The following COL21A1 variants were observed in gnomAD, a reference collection of about 807,000 sequenced individuals.
COL21A1 encodes collagen alpha-1(XXI) chain.
Under a neutral mutation model 137.9 loss-of-function variants are expected in COL21A1, and 149 were observed. The observed-to-expected ratio is 1.08, with a 90% CI of 0.95 to 1.24. COL21A1 has a LOEUF of 1.24. COL21A1 is among the 50% of genes most tolerant of loss of function. COL21A1 has a pLI of 0.00. For synonymous variants in COL21A1, 456 were observed against 391.5 expected (o/e 1.16, Z -1.95); for missense variants, 1,167 against 1,158.4 (o/e 1.01, Z -0.11).
chr6:56,314,777 T>A (rs1454388164), intron 1 of COL21A1, among the ~76,000 whole-genome samples: 1 of 152,218 alleles, frequency 6.6e-6, no homozygotes, highest in African/African-American at 2.4e-5. Context: ...GATGTTATGG[T>A]TCTTAGTGCA....
intron 1 of COL21A1, among the ~76,000 whole-genome samples, chr6:56,299,058 G>A (rs1011134119): frequency 1.3e-5 from 2 of 152,104 alleles, no homozygotes; most frequent in Non-Finnish European, 2.9e-5. Context: ...AGAGAGAGCA[G>A]GGACACAAAC....
At chr6:56,377,359 T>C (rs1382311192) in intron 1 of COL21A1, among the ~76,000 whole-genome samples, 1 of 148,934 alleles carries the variant, frequency 6.7e-6, no homozygotes, top group African/African-American at 2.4e-5. Context: ...CTCTCCCCCA[T>C]TTTCCCCCTT....
At chr6:56,191,671 T>G (rs1278740410) in intron 1 of COL21A1, among the ~76,000 whole-genome samples, 2 of 111,568 alleles carry the variant, frequency 1.8e-5, no homozygotes, top group African/African-American at 3.4e-5. Context: ...ATAAAATACC[T>G]AGGAATACAA....
chr6:56,393,504 C>T (rs1006488771), intron 1 of COL21A1, among the ~76,000 whole-genome samples: 7 of 152,076 alleles, frequency 4.6e-5, no homozygotes, highest in Admixed American at 1.3e-4. Flanking sequence ...AATGGAGTCA[C>T]ATTTAAGCTC....
At chr6:56,144,459 G>A (rs1409451797) in intron 10 of COL21A1, among the ~76,000 whole-genome samples, 1 of 152,090 alleles carries the variant, frequency 6.6e-6, no homozygotes, top group Non-Finnish European at 1.5e-5. Flanking sequence ...AAGTTACCAT[G>A]GAAATTGGCT....
At chr6:56,191,377 G>C (rs1354606083) in intron 1 of COL21A1, among the ~76,000 whole-genome samples, 1 of 151,002 alleles carries the variant, frequency 6.6e-6, no homozygotes, top group Non-Finnish European at 1.5e-5. Context: ...ACGAGGTCAG[G>C]AGTTCAAGAC....
At chr6:56,107,993 T>C (rs1294422052) in intron 16 of COL21A1, among the ~76,000 whole-genome samples, 1 of 151,980 alleles carries the variant, frequency 6.6e-6, no homozygotes, top group Non-Finnish European at 1.5e-5. Context: ...TAATAGGGTA[T>C]AATTTAAATT....
chr6:56,098,053 A>G lies in COL21A1; in HGVS notation c.1812+3419T>C, dbSNP rs1386748126. 3.0e-3 allele frequency among the ~76,000 whole-genome samples: 76 copies of G among 25,536 alleles called. 7 individuals carry two copies. Among genetic ancestry groups the G allele is most frequent in the Non-Finnish European group, 3.9e-3 (62 of 15,906 alleles). The allele number at this position is 25,536 out of a possible 152,430, so 16.8% of individuals were successfully genotyped here. ...TATGTAAATATATAAATATATATAA[A>G]TATATATAAATATATAAATATATAT... On this transcript the variant is annotated intron_variant, in intron 17 of 29. Coordinates refer to ENST00000244728, the MANE Select transcript of COL21A1 (RefSeq NM_030820.4).
chr6:56,337,804 T>C (rs906452127), intron 1 of COL21A1, among the ~76,000 whole-genome samples: 1 of 152,220 alleles, frequency 6.6e-6, no homozygotes, highest in Non-Finnish European at 1.5e-5. Context: ...TTCCATTGAT[T>C]TGGGATTATT....
At chr6:56,156,496 T>C (rs1042647954) in intron 10 of COL21A1, among the ~76,000 whole-genome samples, 1 of 152,194 alleles carries the variant, frequency 6.6e-6, no homozygotes, top group Admixed American at 6.5e-5. Flanking sequence ...AGCCACCCCT[T>C]TGAAATGTAA....
intron 1 of COL21A1, among the ~76,000 whole-genome samples, chr6:56,192,473 A>G (rs2152291555): frequency 7.2e-6 from 1 of 138,134 alleles, no homozygotes; most frequent in Non-Finnish European, 1.5e-5. Context: ...ATCTACATAG[A>G]ACTTAAACAA....
chr6:56,370,539 T>C (rs539706839), intron 1 of COL21A1, among the ~76,000 whole-genome samples: 1 of 152,360 alleles, frequency 6.6e-6, no homozygotes, highest in Admixed American at 6.5e-5. Flanking sequence ...TCCTGCATTT[T>C]TCAAATGCTT....
intron 3 of COL21A1, among the ~76,000 whole-genome samples, chr6:56,176,697 T>A (rs561768073): frequency 2.9e-5 from 4 of 139,646 alleles, no homozygotes; most frequent in African/African-American, 8.0e-5. Context: ...AGGAGGGAGG[T>A]TTCAGTCAAG....
chr6:56,331,175 T>C (rs1244481860), intron 1 of COL21A1, among the ~76,000 whole-genome samples: 7 of 152,204 alleles, frequency 4.6e-5, no homozygotes, highest in Non-Finnish European at 7.4e-5. Flanking sequence ...ATTGTTTGAG[T>C]TCTTTGTAGA....
At chr6:56,185,919 T>C (rs974337179) in intron 1 of COL21A1, among the ~76,000 whole-genome samples, 5 of 152,250 alleles carry the variant, frequency 3.3e-5, no homozygotes, top group Non-Finnish European at 7.4e-5. Context: ...ACTATTTGTT[T>C]TGGTGGAATT....
chr6:56,385,221 G>A (rs993017300), intron 1 of COL21A1, among the ~76,000 whole-genome samples: 1 of 152,354 alleles, frequency 6.6e-6, no homozygotes, highest in South Asian at 2.1e-4. Context: ...GGGAGGTGAT[G>A]TCATATGCTA....
At chr6:56,103,385 T>C (rs984570984) in intron 16 of COL21A1, among the ~76,000 whole-genome samples, 1 of 152,212 alleles carries the variant, frequency 6.6e-6, no homozygotes, top group African/African-American at 2.4e-5. Context: ...ATTTTCTGTA[T>C]TTAAAATAAA....
intron 1 of COL21A1, among the ~76,000 whole-genome samples, chr6:56,302,438 G>T (rs1764322880): frequency 6.6e-6 from 1 of 151,932 alleles, no homozygotes; most frequent in African/African-American, 2.4e-5. Flanking sequence ...GTGTGACATG[G>T]TATCTCATTG....
chr6:56,120,575 T>C (rs1422151843), intron 16 of COL21A1, among the ~76,000 whole-genome samples: 2 of 152,086 alleles, frequency 1.3e-5, no homozygotes, highest in African/African-American at 4.8e-5. Context: ...GGAGGGTGGA[T>C]CGCCTGAGGT....
Sources: gnomAD v4.1 joint callset for allele counts (sites outside exome capture counted in the v4.1 genomes callset) on GRCh38, gnomAD v4.1.1 for gene constraint, MANE v1.5 for transcripts, NCBI Gene and HGNC (gene_info 2026-07-23, HGNC 2026-07-21) for gene names.